The following PRRC2C variants were observed in gnomAD, a reference collection of about 807,000 sequenced individuals.
PRRC2C encodes the protein proline rich coiled-coil 2C, also known as protein PRRC2C.
In PRRC2C, 72 loss-of-function variants were observed where a neutral mutation model predicts 317.2. The ratio of observed to expected loss-of-function variants is 0.23; its 90% CI spans 0.19 to 0.28. PRRC2C has a LOEUF of 0.28. Among genes scored for constraint, PRRC2C ranks in the 10% least tolerant of loss-of-function variants. PRRC2C has a pLI of 1.00. For synonymous variants in PRRC2C, 1,296 were observed against 1,205.9 expected, an observed-to-expected ratio of 1.07 and a Z score of -1.55; for missense variants, 3,074 against 3,459.7, an observed-to-expected ratio of 0.89 and a Z score of 2.80.
At position 171,485,558 on chromosome 1, in the gene PRRC2C, C is replaced by G. The variant is rs983079442; in HGVS notation, c.-235C>G. On this transcript the variant is annotated 5_prime_UTR_variant, in exon 1 of 35. Transcript: ENST00000647382. Reference sequence around the variant, plus strand: ...ATCTTGCTTCTTTTTCTCGCTCGCTCGCTCCCCCTCGGAAAGCTGCGAAAG... The same window carrying G: ...ATCTTGCTTCTTTTTCTCGCTCGCTGGCTCCCCCTCGGAAAGCTGCGAAAG... 2.0e-5 allele frequency: 3 copies of G among 152,696 alleles called. No homozygotes were observed. Among genetic ancestry groups the G allele is most frequent in the African/African-American group, 4.8e-5 (2 of 41,448 alleles). The allele number at this position is 152,696 out of a possible 1,614,324, so 9.5% of individuals were successfully genotyped here. A position where few individuals can be genotyped will look rare whatever the true frequency, so the allele number is the denominator to read the frequency against.
intron 1 of PRRC2C, among the ~76,000 whole-genome samples, chr1:171,487,973 G>A (rs1666435546): frequency 9.4e-6 from 1 of 106,208 alleles, no homozygotes; most frequent in African/African-American, 3.4e-5. Context: ...TCCCTGGGAT[G>A]AGTATCTTGT....
At chr1:171,552,249 T>G (rs2102595138) in intron 18 of PRRC2C, among the ~76,000 whole-genome samples, 1 of 152,258 alleles carries the variant, frequency 6.6e-6, no homozygotes, top group Non-Finnish European at 1.5e-5. Flanking sequence ...TCACTCATGA[T>G]TTGGCTCTCT....
rs1649320626 is a variant in PRRC2C, at chr1:171,584,139, G to A, written c.7593G>A (p.Gln2531=). ...IPILYEHQLG[Q]ASGLGGSQLI... is the part of the protein sequence containing the mutation. Reference sequence around the variant, plus strand: ...TATTGTATGAACATCAACTGGGGCAGGCATCAGGACTAGGAGGTTCCCAGC... The same window carrying A: ...TATTGTATGAACATCAACTGGGGCAAGCATCAGGACTAGGAGGTTCCCAGC... The change falls in exon 29 of 35, where the codon CAG becomes CAA. Residue 2531 remains glutamine, a synonymous_variant. Transcript: ENST00000647382. 6.2e-7 allele frequency: 1 copy of A among 1,613,966 alleles called. No homozygotes were observed. The highest frequency in any genetic ancestry group is 8.5e-7 in the Non-Finnish European group (1 of 1,179,864).
rs1455297668 is a variant in PRRC2C, at chr1:171,528,507, G to C, written c.1254+663G>C. Among the ~76,000 whole-genome samples the C allele has an allele frequency of 4.6e-5, 7 of 151,828 alleles. No homozygotes were observed. The South Asian group carries it at 6.2e-4, about 13-fold the overall frequency. The stretch of plus-strand genomic sequence containing the variant: ...GGGGTTTCACCGTGTTAGCCAGGAC[G>C]GTCTCGATATCCTGACCTCGTGATC... On this transcript the variant is annotated intron_variant, in intron 11 of 34. Coordinates refer to ENST00000647382, the MANE Select transcript of PRRC2C (RefSeq NM_001387844.1).
In PRRC2C at chr1:171,536,274, T is replaced by A; in HGVS notation, c.2289T>A (p.His763Gln). The change falls in exon 14 of 35, where the codon CAT becomes CAA. Residue 763 changes from histidine (H) to glutamine (Q), a missense_variant. This residue lies in a region of PRRC2C where 1,320 missense variants were observed against 1,395.7 expected (regional missense o/e 0.95). Transcript: ENST00000647382. ...GRPAMDIPPI[H>Q]PGMIPPKPLM... ...CTGCTATGGATATTCCACCCATTCA[T>A]CCTGGTCAGTTGAATTTGCATTTAT... The A allele has an allele frequency of 6.2e-7, 1 of 1,613,394 alleles. No individual in the cohort carries two copies. The highest frequency in any genetic ancestry group is 8.5e-7 in the Non-Finnish European group (1 of 1,179,632).
chr1:171,581,908 A>G (rs1470748653), intron 28 of PRRC2C, among the ~76,000 whole-genome samples: 1 of 102,648 alleles, frequency 9.7e-6, no homozygotes, highest in African/African-American at 3.6e-5. Context: ...TTAAAAGTGT[A>G]GACTGGAGGC....
intron 1 of PRRC2C, among the ~76,000 whole-genome samples, chr1:171,486,202 T>G: frequency 6.7e-6 from 1 of 149,782 alleles, no homozygotes; most frequent in Admixed American, 6.7e-5. Context: ...TCTTCCTGTG[T>G]AGTGAGGGTG....
intron 1 of PRRC2C, chr1:171,511,364 TTG>T (rs1031140554): frequency 6.6e-6 from 1 of 152,230 alleles, no homozygotes; most frequent in African/African-American, 2.4e-5. Flanking sequence ...AGGATTCTCT[TTG>T]TATTTGAATG....
At chr1:171,517,937 A>G in intron 6 of PRRC2C, 123 bp downstream of exon 6, 4 of 724,538 alleles carry the variant, frequency 5.5e-6, no homozygotes, top group Non-Finnish European at 8.8e-6. Flanking sequence ...AAAAATTAGC[A>G]TTCTCTTTTA....
intron 34 of PRRC2C, chr1:171,591,160 T>G: frequency 2.0e-6 from 2 of 989,412 alleles, no homozygotes; most frequent in Non-Finnish European, 2.4e-6. Flanking sequence ...AGAAGAGAGC[T>G]GTGGGAAGAG....
Position 171,515,741 on chromosome 1 carries a change from A to C in PRRC2C, c.408A>C (p.Gln136His). 1 of 1,599,904 alleles carries C rather than the reference A, an allele frequency of 6.3e-7. No individual in the cohort carries two copies. Among genetic ancestry groups the C allele is most frequent in the Non-Finnish European group, 8.5e-7 (1 of 1,174,690 alleles). Residue 136 changes from glutamine to histidine, a missense_variant, in exon 5 of 35, where the codon CAA becomes CAC. By Grantham distance (24) the Gln-to-His change is conservative. Coordinates refer to ENST00000647382, the MANE Select transcript of PRRC2C (RefSeq NM_001387844.1). Reference sequence around the variant, plus strand: ...TTTTAAAAAAATCTATAGGAATCCAAGTGAATAGTCAGTTTCAGCAAGAAT... The same window carrying C: ...TTTTAAAAAAATCTATAGGAATCCACGTGAATAGTCAGTTTCAGCAAGAAT... Reference protein sequence around the residue: ...NKQGGQGDGIQVNSQFQQEFP... With the variant: ...NKQGGQGDGIHVNSQFQQEFP...
intron 12 of PRRC2C, 30 bp from the exon 13 acceptor site, chr1:171,535,398 A>G (rs780267757): frequency 1.3e-6 from 2 of 1,590,958 alleles, no homozygotes; most frequent in Non-Finnish European, 1.7e-6. Context: ...ATAGATGAAT[A>G]CTATTACCTT....
At chr1:171,566,159 C>A in intron 20 of PRRC2C, 74 bp from the exon 21 acceptor site, 1 of 1,212,678 alleles carries the variant, frequency 8.2e-7, no homozygotes, top group Non-Finnish European at 1.2e-6. Flanking sequence ...TGTACTTAAA[C>A]TGTATAGTGC....
At chr1:171,552,106 C>T (rs235475) in intron 18 of PRRC2C, among the ~76,000 whole-genome samples, 121,638 of 152,128 alleles carry the variant, frequency 0.8, 48,765 homozygotes, top group Middle Eastern at 0.89. Flanking sequence ...ATGGAATGTT[C>T]TTCCATTTGT....
At chr1:171,579,542 A>G in intron 27 of PRRC2C, 76 bp downstream of exon 27, 1 of 1,521,472 alleles carries the variant, frequency 6.6e-7, no homozygotes, top group Admixed American at 2.1e-5. Context: ...CTTGGAACAT[A>G]AATAATAGAC....
At chr1:171,564,443 TACTG>T (rs1683246046) in intron 20 of PRRC2C, among the ~76,000 whole-genome samples, 1 of 152,246 alleles carries the variant, frequency 6.6e-6, no homozygotes, top group Non-Finnish European at 1.5e-5. Flanking sequence ...ACAGTCTACT[TACTG>T]CATTATTTTC....
At chr1:171,500,412 AT>A (rs1668867818) in intron 1 of PRRC2C, among the ~76,000 whole-genome samples, 1 of 151,696 alleles carries the variant, frequency 6.6e-6, no homozygotes, top group Admixed American at 6.6e-5. Context: ...AATTTTTTTC[AT>A]TTTTAGAGAC....
chr1:171,560,824 T>G (rs1572016864), intron 19 of PRRC2C, among the ~76,000 whole-genome samples, 194 bp from the exon 20 acceptor site: 2 of 152,234 alleles, frequency 1.3e-5, no homozygotes, highest in Non-Finnish European at 2.9e-5. Flanking sequence ...GGTCTGGAAC[T>G]GAACCCACAA....
chr1:171,584,229 T>C (rs1459159154), intron 29 of PRRC2C, 42 bp downstream of exon 29: 1 of 1,493,084 alleles, frequency 6.7e-7, no homozygotes, highest in Non-Finnish European at 9.2e-7. Context: ...ATTGTATTCC[T>C]ATGCCACAGA....
Sources: gnomAD v4.1 joint callset for allele counts (sites outside exome capture counted in the v4.1 genomes callset) on GRCh38, gnomAD v4.1.1 for gene constraint, gnomAD v4.1.1 regional missense constraint, MANE v1.5 for transcripts, NCBI Gene and HGNC (gene_info 2026-07-23, HGNC 2026-07-21) for gene names.